The following TIMELESS variants were observed in gnomAD, a reference collection of about 807,000 sequenced individuals.
TIMELESS encodes the protein protein timeless homolog.
In TIMELESS, 124 loss-of-function variants were observed where a neutral mutation model predicts 164.3. The ratio of observed to expected loss-of-function variants is 0.75; its 90% CI spans 0.65 to 0.88. The LOEUF (loss-of-function observed/expected upper bound fraction) is 0.88, where lower values mean the gene tolerates loss of function less well. TIMELESS is among the 40% of genes least tolerant of loss of function. TIMELESS has a pLI of 0.00. For missense variants in TIMELESS, 1,422 were observed against 1,491.4 expected (o/e 0.95, Z 0.77); for synonymous variants, 564 against 563.4 (o/e 1.00, Z -0.02).
rs754639088 is a variant in TIMELESS at position 56,430,138 on chromosome 12, C to T, written c.1053G>A (p.Glu351=). Residue 351 remains glutamate, a synonymous_variant, in exon 10 of 29, where the codon GAG becomes GAA. Transcript: ENST00000553532. ...FLRDFCSEFL[E]NCYNRLMGSV... is the part of the protein sequence containing the mutation. ...ATCCCATGAGCCGGTTGTAACAGTT[C>T]TCCAGGAACTCAGAGCAGAAGTCTC... The T allele has an allele frequency of 1.6e-4, 261 of 1,613,738 alleles. 1 individual carries two copies. Among genetic ancestry groups the T allele is most frequent in the Non-Finnish European group, 2.2e-4 (254 of 1,179,940 alleles).
chr12:56,421,042 T>G lies in TIMELESS; in HGVS notation c.2961A>C (p.Glu987Asp). 1 of 1,614,188 alleles carries G rather than the reference T, an allele frequency of 6.2e-7. No individual in the cohort carries two copies. Among genetic ancestry groups the G allele is most frequent in the Non-Finnish European group, 8.5e-7 (1 of 1,180,028 alleles). The change falls in exon 24 of 29, where the codon GAA (glutamate) becomes GAC (aspartate). Residue 987 changes from glutamate (E) to aspartate (D), a missense_variant. Coordinates refer to ENST00000553532, the MANE Select transcript of TIMELESS (RefSeq NM_003920.5). ...GGACTTGTTCTGCTTCTGAGCCCCCTTCTTCTTCCTCTTCGCTGTCTTCCT... is the reference window on the plus strand; with the variant it reads ...GGACTTGTTCTGCTTCTGAGCCCCCGTCTTCTTCCTCTTCGCTGTCTTCCT... ...LPEEDSEEEE[E>D]GGSEAEQVQG...
intron 1 of TIMELESS, among the ~76,000 whole-genome samples, chr12:56,448,728 C>CAAAAT (rs915113614): frequency 4.0e-5 from 6 of 151,854 alleles, no homozygotes; most frequent in African/African-American, 1.5e-4. Context: ...GACTCCGTCT[C>CAAAAT]AAAATAAAAT....
rs1361763751 is a variant in TIMELESS, at chr12:56,433,853, T to A, written c.171A>T (p.Ala57=). The change falls in exon 3 of 29, where the codon GCA becomes GCT. Residue 57 remains alanine (A), a synonymous_variant. Coordinates refer to ENST00000553532, the MANE Select transcript of TIMELESS (RefSeq NM_003920.5). The stretch of plus-strand genomic sequence containing the variant: ...GAAGGTCGCTCTGTAGGATCTGGGC[T>A]GCCCCCAGCTGCTGCCGCACATCTC... The part of the protein sequence containing the change: ...ETRDVRQQLG[A]AQILQSDLLP... 6.2e-7 allele frequency: 1 copy of A among 1,614,184 alleles called. No individual in the cohort carries two copies. Among genetic ancestry groups the A allele is most frequent in the East Asian group, 2.2e-5 (1 of 44,894 alleles).
intron 3 of TIMELESS, 31 bp downstream of exon 3, chr12:56,433,742 G>A (rs1881973597): frequency 6.2e-7 from 1 of 1,613,530 alleles, no homozygotes; most frequent in South Asian, 1.1e-5. Flanking sequence ...AGCCTGGCAG[G>A]TGGCAAAAGT....
chr12:56,424,024 A>G, intron 15 of TIMELESS, 130 bp from the exon 16 acceptor site: 1 of 803,614 alleles, frequency 1.2e-6, no homozygotes, highest in African/African-American at 1.7e-5. Flanking sequence ...TGTTACCTCA[A>G]ATGAAACAAA....
At chr12:56,437,391 T>G (rs573216648) in intron 1 of TIMELESS, among the ~76,000 whole-genome samples, 1 of 150,780 alleles carries the variant, frequency 6.6e-6, no homozygotes, top group South Asian at 2.1e-4. Flanking sequence ...CTTTTCCTAG[T>G]ACACTCAAGT....
intron 1 of TIMELESS, among the ~76,000 whole-genome samples, chr12:56,436,195 T>G (rs955213487): frequency 2.6e-5 from 4 of 152,164 alleles, no homozygotes; most frequent in African/African-American, 9.7e-5. Flanking sequence ...AACTCATGCC[T>G]GTTATCTCAG....
At chr12:56,426,664 A>G (rs534058927) in intron 13 of TIMELESS, among the ~76,000 whole-genome samples, 48 of 152,194 alleles carry the variant, frequency 3.2e-4, no homozygotes, top group African/African-American at 1.1e-3. Flanking sequence ...GGTTCAAGTG[A>G]TTCTCCCACT....
rs1208307215 is a variant in TIMELESS, at chr12:56,421,706, C to T, written c.2725+21G>A. ...GCTTGGCTTTCATCTCAAAGGTCCC[C>T]TGAGTTTCCAGCTTACTCACCATCT... On this transcript the variant is annotated intron_variant, in intron 22 of 28. Transcript: ENST00000553532. The T allele has an allele frequency of 1.9e-6, 3 of 1,613,628 alleles. No individual in the cohort carries two copies. The East Asian group carries it at 6.7e-5, about 36-fold the overall frequency.
chr12:56,417,644 G>T lies in TIMELESS; in HGVS notation c.*72C>A. On this transcript the variant is annotated 3_prime_UTR_variant, in exon 29 of 29. Transcript: ENST00000553532. ...TAAGAGGAGCTTCTGGGTCCTGTATGACCCTTCCAACTCTGACTTGAATGC... is the reference window on the plus strand; with the variant it reads ...TAAGAGGAGCTTCTGGGTCCTGTATTACCCTTCCAACTCTGACTTGAATGC... 6.7e-7 allele frequency: 1 copy of T among 1,484,106 alleles called. No homozygotes were observed. The allele number at this position is 1,484,106 out of a possible 1,614,324, so 91.9% of individuals were successfully genotyped here.
chr12:56,420,763 T>C, intron 25 of TIMELESS, 50 bp downstream of exon 25: 2 of 1,613,466 alleles, frequency 1.2e-6, no homozygotes, highest in Non-Finnish European at 1.7e-6. Flanking sequence ...CAGGTAGGTC[T>C]CCAATAGCCT....
chr12:56,422,387 A>G (rs145281425), intron 19 of TIMELESS, among the ~76,000 whole-genome samples, 196 bp from the exon 20 acceptor site: 1 of 152,234 alleles, frequency 6.6e-6, no homozygotes, highest in African/African-American at 2.4e-5. Flanking sequence ...TCAAACTAAG[A>G]GATTTTCCAG....
At chr12:56,441,770 C>T (rs978799411) in intron 1 of TIMELESS, among the ~76,000 whole-genome samples, 6 of 151,126 alleles carry the variant, frequency 4.0e-5, no homozygotes, top group African/African-American at 1.5e-4. Context: ...GCAATGGTAG[C>T]GCTAAAGAAA....
chr12:56,448,556 TC>T (rs1236724759), intron 1 of TIMELESS, among the ~76,000 whole-genome samples: 1 of 149,046 alleles, frequency 6.7e-6, no homozygotes, highest in Non-Finnish European at 1.5e-5. Flanking sequence ...GAAACCCCCA[TC>T]TCTACTAAAA....
At position 56,417,906 on chromosome 12, in the gene TIMELESS, CCT is replaced by C; in HGVS notation, c.3555_3556del (p.Arg1185SerfsTer18). 1 of 1,614,168 alleles carries C rather than the reference CCT, an allele frequency of 6.2e-7. No homozygotes were observed. Among genetic ancestry groups the C allele is most frequent in the Non-Finnish European group, 8.5e-7 (1 of 1,180,016 alleles). On this transcript the variant is annotated frameshift_variant and splice_region_variant, in exon 28 of 29. Transcript: ENST00000553532. LOFTEE classifies it high-confidence loss of function. ...AAAGAAGGTCCCATCAAATTCCCTACCTCTGTTCCTGCCCTCATCTTCTTCCT... is the reference window on the plus strand; with the variant it reads ...AAAGAAGGTCCCATCAAATTCCCTACCTGTTCCTGCCCTCATCTTCTTCCT...
rs866109163 is a variant in TIMELESS, at chr12:56,423,788, G to C, written c.1966+9C>G. 5.0e-6 allele frequency: 8 copies of C among 1,614,160 alleles called. No individual in the cohort carries two copies. Among genetic ancestry groups the C allele is most frequent in the South Asian group, 1.1e-5 (1 of 91,080 alleles). On this transcript the variant is annotated intron_variant, in intron 16 of 28. Transcript: ENST00000553532. ...TGGAAGGAGACAGATGTGAAGGGTG[G>C]AGACTCACGGGGAAGTGGAGCAGAG...
chr12:56,429,169 T>C, intron 10 of TIMELESS, 69 bp from the exon 11 acceptor site: 1 of 1,385,444 alleles, frequency 7.2e-7, no homozygotes, highest in Non-Finnish European at 9.8e-7. Flanking sequence ...CTTCCTGTCC[T>C]ATGATGATGG....
intron 1 of TIMELESS, among the ~76,000 whole-genome samples, chr12:56,447,041 ACT>A (rs1868363008): frequency 6.8e-6 from 1 of 147,586 alleles, no homozygotes; most frequent in Non-Finnish European, 1.5e-5. Flanking sequence ...GACGAGTCTC[ACT>A]CTGTCACTCA....
In TIMELESS at chr12:56,430,250, T is replaced by G. The variant is rs1881830421; in HGVS notation, c.941A>C (p.Gln314Pro). Residue 314 changes from glutamine (Q) to proline (P), a missense_variant, in exon 10 of 29, where the codon CAG becomes CCG. Coordinates refer to ENST00000553532, the MANE Select transcript of TIMELESS (RefSeq NM_003920.5). ...LRNYSSDLGK[Q>P]PKKVPKRRQA... ...GCGACGTTTAGGCACCTTTTTCGGC[T>G]GCTTTCCCAAATCTGAACTGTAGTT... 1 of 1,613,714 alleles carries G rather than the reference T, an allele frequency of 6.2e-7. No individual in the cohort carries two copies. The highest frequency in any genetic ancestry group is 8.5e-7 in the Non-Finnish European group (1 of 1,179,846).
Sources: gnomAD v4.1 joint callset for allele counts (sites outside exome capture counted in the v4.1 genomes callset) on GRCh38, gnomAD v4.1.1 for gene constraint, MANE v1.5 for transcripts, NCBI Gene and HGNC (gene_info 2026-07-23, HGNC 2026-07-21) for gene names.